Variants in CLDN6 observed in about 807,000 individuals in gnomAD.
The protein encoded by CLDN6 is claudin-6.
For synonymous variants in CLDN6, 144 were observed against 131.2 expected (o/e 1.10, Z -0.67); for missense variants, 279 against 284.1 (o/e 0.98, Z 0.13).
chr16:3,017,615 G>C (rs1299721925), intron 1 of CLDN6, among the ~76,000 whole-genome samples: 3 of 152,054 alleles, frequency 2.0e-5, no homozygotes, highest in Admixed American at 6.5e-5. Flanking sequence ...GCTGGGGCAC[G>C]GTGCCCCAGC....
Position 3,015,744 on chromosome 16 carries a change from A to C in CLDN6, c.278T>G (p.Phe93Cys). The change falls in exon 2 of 2, where the codon TTC becomes TGC. Residue 93 changes from phenylalanine to cysteine, a missense_variant. Transcript: ENST00000328796. ...LCVIALLVAL[F>C]GLLVYLAGAK... is the part of the protein sequence containing the mutation. ...CCCAGCAAGGTAGACCAGCAAGCCG[A>C]ACAGGGCCACAAGGAGGGCGATGAC... 6.2e-7 allele frequency: 1 copy of C among 1,614,054 alleles called. No individual in the cohort carries two copies. Among genetic ancestry groups the C allele is most frequent in the Non-Finnish European group, 8.5e-7 (1 of 1,180,046 alleles).
In CLDN6 at chr16:3,015,494, C is replaced by T. The variant is rs1219375370; in HGVS notation, c.528G>A (p.Leu176=). ...LGWAASGLLL[L]GGGLLCCTCP... is the part of the protein sequence containing the mutation. ...AAGTGCAGCACAGCAACCCCCCACC[C>T]AGCAACAAAAGGCCTGAGGCCGCCC... Residue 176 remains leucine, a synonymous_variant, in exon 2 of 2, where the codon CTG becomes CTA. Transcript: ENST00000328796. The T allele has an allele frequency of 6.2e-7, 1 of 1,609,726 alleles. No homozygotes were observed. The highest frequency in any genetic ancestry group is 8.5e-7 in the Non-Finnish European group (1 of 1,177,940).
chr16:3,015,506 G>C lies in CLDN6; in HGVS notation c.516C>G (p.Gly172=). The change falls in exon 2 of 2, where the codon GGC becomes GGG. Residue 172 remains glycine (G), a synonymous_variant. Coordinates refer to ENST00000328796, the MANE Select transcript of CLDN6 (RefSeq NM_021195.5). ...ASLYLGWAAS[G]LLLLGGGLLC... ...GCAACCCCCCACCCAGCAACAAAAG[G>C]CCTGAGGCCGCCCAGCCCAAGTAGA... The C allele has an allele frequency of 6.2e-7, 1 of 1,611,762 alleles. No homozygotes were observed. The highest frequency in any genetic ancestry group is 8.5e-7 in the Non-Finnish European group (1 of 1,179,190).
In CLDN6 at chr16:3,015,004, C is replaced by A; in HGVS notation, c.*355G>T. The A allele has an allele frequency of 2.4e-6, 1 of 412,932 alleles. No individual in the cohort carries two copies. Among genetic ancestry groups the A allele is most frequent in the Non-Finnish European group, 4.3e-6 (1 of 234,746 alleles). The allele number at this position is 412,932 out of a possible 1,614,324, so 25.6% of individuals were successfully genotyped here. On this transcript the variant is annotated 3_prime_UTR_variant, in exon 2 of 2. Transcript: ENST00000328796. ...TCCAGTGACATCTAGGGAAGCCCAG[C>A]CCCCAGCAGCAGCAGGAACTCTTGG...
In CLDN6 at chr16:3,015,607, T is replaced by A. The variant is rs1259265437; in HGVS notation, c.415A>T (p.Thr139Ser). ...AAGTCCCGGATGATGGCATGCGCCG[T>A]CCAGCACACGGGGATTAGCGTCAGG... Reference protein sequence around the residue: ...GVLTLIPVCWTAHAIIRDFYN... With the variant: ...GVLTLIPVCWSAHAIIRDFYN... Residue 139 changes from threonine (T) to serine (S), a missense_variant, in exon 2 of 2, where the codon ACG becomes TCG. Coordinates refer to ENST00000328796, the MANE Select transcript of CLDN6 (RefSeq NM_021195.5). 1 of 1,613,060 alleles carries A rather than the reference T, an allele frequency of 6.2e-7. No homozygotes were observed. Among genetic ancestry groups the A allele is most frequent in the Non-Finnish European group, 8.5e-7 (1 of 1,180,028 alleles).
intron 1 of CLDN6, among the ~76,000 whole-genome samples, chr16:3,017,379 A>G (rs954560282): frequency 2.0e-5 from 3 of 152,140 alleles, no homozygotes; most frequent in African/African-American, 7.2e-5. Flanking sequence ...CCTCAACACC[A>G]GTTCTCCCAC....
Position 3,014,898 on chromosome 16 carries a change from A to T in CLDN6, c.*461T>A. 1 of 377,812 alleles carries T rather than the reference A, an allele frequency of 2.6e-6. No individual in the cohort carries two copies. Among genetic ancestry groups the T allele is most frequent in the Non-Finnish European group, 4.7e-6 (1 of 213,808 alleles). The allele number at this position is 377,812 out of a possible 1,614,324, so 23.4% of individuals were successfully genotyped here. ...GAGGTCAGAAGTTCCGGAGGTGGGCAGTCCTTTGTTAACAGATCATTTGTT... is the reference window on the plus strand; with the variant it reads ...GAGGTCAGAAGTTCCGGAGGTGGGCTGTCCTTTGTTAACAGATCATTTGTT... On this transcript the variant is annotated 3_prime_UTR_variant, in exon 2 of 2. Coordinates refer to ENST00000328796, the MANE Select transcript of CLDN6 (RefSeq NM_021195.5).
chr16:3,017,268 T>C (rs1399463357), intron 1 of CLDN6, among the ~76,000 whole-genome samples: 1 of 152,208 alleles, frequency 6.6e-6, no homozygotes, highest in Non-Finnish European at 1.5e-5. Flanking sequence ...GATAACTCCC[T>C]GGCCCCACCC....
chr16:3,015,231 T>A lies in CLDN6; in HGVS notation c.*128A>T. 1 of 810,218 alleles carries A rather than the reference T, an allele frequency of 1.2e-6. No homozygotes were observed. Among genetic ancestry groups the A allele is most frequent in the Non-Finnish European group, 1.9e-6 (1 of 531,362 alleles). 50.2% of individuals were successfully genotyped at this position (810,218 alleles called of 1,614,324 possible). ...CTTGGCTCAGTTTTCAAATGAATTT[T>A]AAATATCCTCAGTCAAAAGAAAAAT... On this transcript the variant is annotated 3_prime_UTR_variant, in exon 2 of 2. Transcript: ENST00000328796.
chr16:3,015,461 C>G lies in CLDN6; in HGVS notation c.561G>C (p.Ser187=), dbSNP rs753238199. ...GGGLLCCTCP[S]GGSQGPSHYM... ...AATGGCTGGGGCCCTGGGACCCCCC[C>G]GAGGGGCAAGTGCAGCACAGCAACC... Residue 187 remains serine (S), a synonymous_variant, in exon 2 of 2, where the codon TCG becomes TCC. Coordinates refer to ENST00000328796, the MANE Select transcript of CLDN6 (RefSeq NM_021195.5). The G allele has an allele frequency of 1.3e-6, 2 of 1,587,730 alleles. No homozygotes were observed. The highest frequency in any genetic ancestry group is 1.7e-6 in the Non-Finnish European group (2 of 1,166,242).
At position 3,015,873 on chromosome 16, in the gene CLDN6, A is replaced by G; in HGVS notation, c.149T>C (p.Leu50Pro). The change falls in exon 2 of 2, where the codon CTG (leucine) becomes CCG (proline). Residue 50 changes from leucine to proline, a missense_variant. By Grantham distance (98) the Leu-to-Pro change is moderately conservative (BLOSUM62 -3). Coordinates refer to ENST00000328796, the MANE Select transcript of CLDN6 (RefSeq NM_021195.5). ...IVVAQVVWEG[L>P]WMSCVVQSTG... The stretch of plus-strand genomic sequence containing the variant: ...GCTCTGCACCACGCAGGACATCCAC[A>G]GGCCCTCCCACACCACCTGGGCCAC... 6.2e-7 allele frequency: 1 copy of G among 1,614,250 alleles called. No homozygotes were observed. Among genetic ancestry groups the G allele is most frequent in the Non-Finnish European group, 8.5e-7 (1 of 1,180,036 alleles).
chr16:3,016,814 A>ATTTTTTTTTTT (rs545186433), intron 1 of CLDN6, among the ~76,000 whole-genome samples: 1 of 150,852 alleles, frequency 6.6e-6, no homozygotes, highest in African/African-American at 2.5e-5. Flanking sequence ...CGCCCGGCTA[A>ATTTTTTTTTTT]TTTTTTTGTA....
intron 1 of CLDN6, among the ~76,000 whole-genome samples, chr16:3,017,434 G>A (rs1177011519): frequency 2.0e-5 from 3 of 152,228 alleles, no homozygotes; most frequent in East Asian, 1.9e-4. Flanking sequence ...TGGAGGTCGT[G>A]GAGGGAATCA....
Position 3,015,542 on chromosome 16 carries a change from C to T in CLDN6, c.480G>A (p.Leu160=). The change falls in exon 2 of 2, where the codon CTG becomes CTA. Residue 160 remains leucine, a synonymous_variant. Coordinates refer to ENST00000328796, the MANE Select transcript of CLDN6 (RefSeq NM_021195.5). ...PLVAEAQKRE[L]GASLYLGWAA... ...CCCAGCCCAAGTAGAGGGAGGCCCC[C>T]AGCTCCCGCTTTTGGGCCTCAGCCA... 1 of 1,613,008 alleles carries T rather than the reference C, an allele frequency of 6.2e-7. No individual in the cohort carries two copies. The highest frequency in any genetic ancestry group is 8.5e-7 in the Non-Finnish European group (1 of 1,179,928).
In CLDN6 at chr16:3,015,606, G is replaced by A. The variant is rs370107079; in HGVS notation, c.416C>T (p.Thr139Met). ...GAAGTCCCGGATGATGGCATGCGCC[G>A]TCCAGCACACGGGGATTAGCGTCAG... ...GVLTLIPVCW[T>M]AHAIIRDFYN... Residue 139 changes from threonine (T) to methionine (M), a missense_variant, in exon 2 of 2, where the codon ACG (threonine) becomes ATG (methionine). By Grantham distance (81) the Thr-to-Met change is moderately conservative. Coordinates refer to ENST00000328796, the MANE Select transcript of CLDN6 (RefSeq NM_021195.5). The A allele has an allele frequency of 1.8e-5, 29 of 1,613,106 alleles. No homozygotes were observed. The highest frequency in any genetic ancestry group is 6.7e-5 in the African/African-American group (5 of 74,944).
chr16:3,015,800 T>C lies in CLDN6; in HGVS notation c.222A>G (p.Pro74=), dbSNP rs770132630. The change falls in exon 2 of 2, where the codon CCA becomes CCG. Residue 74 remains proline (P), a synonymous_variant. Coordinates refer to ENST00000328796, the MANE Select transcript of CLDN6 (RefSeq NM_021195.5). ...GGGCACGTGCAGCCTGCAGGTCCTG[T>C]GGCAGCGCCAGCAGTGAGTCGTACA... ...CKVYDSLLAL[P]QDLQAARALC... 3 of 1,613,922 alleles carry C rather than the reference T, an allele frequency of 1.9e-6. No individual in the cohort carries two copies. Among genetic ancestry groups the C allele is most frequent in the Admixed American group, 1.7e-5 (1 of 60,010 alleles).
intron 1 of CLDN6, among the ~76,000 whole-genome samples, chr16:3,017,337 GA>G: frequency 6.6e-6 from 1 of 152,304 alleles, no homozygotes; most frequent in African/African-American, 2.4e-5. Context: ...CTTTTCCTAT[GA>G]ATTCTAGACG....
rs1232374286 is a variant in CLDN6, at chr16:3,014,990, C to T, written c.*369G>A. 2 of 412,524 alleles carry T rather than the reference C, an allele frequency of 4.8e-6. No individual in the cohort carries two copies. The highest frequency in any genetic ancestry group is 2.1e-5 in the African/African-American group (1 of 48,664). 25.6% of individuals were successfully genotyped at this position (412,524 alleles called of 1,614,324 possible). On this transcript the variant is annotated 3_prime_UTR_variant, in exon 2 of 2. Coordinates refer to ENST00000328796, the MANE Select transcript of CLDN6 (RefSeq NM_021195.5). ...ATGGGGGGCAGCTGTCCAGTGACAT[C>T]TAGGGAAGCCCAGCCCCCAGCAGCA... is the stretch of plus-strand genomic sequence containing the variant.
At position 3,015,606 on chromosome 16, in the gene CLDN6, G is replaced by C; in HGVS notation, c.416C>G (p.Thr139Arg). Residue 139 changes from threonine to arginine, a missense_variant, in exon 2 of 2, where the codon ACG becomes AGG. Transcript: ENST00000328796. ...GAAGTCCCGGATGATGGCATGCGCC[G>C]TCCAGCACACGGGGATTAGCGTCAG... Reference protein sequence around the residue: ...GVLTLIPVCWTAHAIIRDFYN... With the variant: ...GVLTLIPVCWRAHAIIRDFYN... 1.9e-6 allele frequency: 3 copies of C among 1,613,222 alleles called. No homozygotes were observed. Among genetic ancestry groups the C allele is most frequent in the Non-Finnish European group, 2.5e-6 (3 of 1,180,040 alleles).
Sources: allele counts gnomAD v4.1 joint callset (sites outside exome capture counted in the v4.1 genomes callset), GRCh38; gene constraint gnomAD v4.1.1; transcripts MANE v1.5; gene names NCBI Gene and HGNC (gene_info 2026-07-23, HGNC 2026-07-21).